The following CACNA1B variants were observed in gnomAD, a reference collection of about 807,000 sequenced individuals.
CACNA1B encodes the protein calcium voltage-gated channel subunit alpha1 B, also known as voltage-dependent N-type calcium channel subunit alpha-1B.
In CACNA1B, 70 loss-of-function variants were observed where a neutral mutation model predicts 247.2. The observed-to-expected ratio is 0.28, with a 90% CI of 0.23 to 0.35. CACNA1B has a LOEUF of 0.35. CACNA1B is among the 10% of genes least tolerant of loss of function. The pLI is 1.00. For missense variants in CACNA1B, 2,367 were observed against 3,197.4 expected (o/e 0.74, Z 6.26); for synonymous variants, 1,231 against 1,294.4 (o/e 0.95, Z 1.05).
intron 3 of CACNA1B, among the ~76,000 whole-genome samples, chr9:137,894,798 G>A (rs537007512): frequency 2.0e-5 from 3 of 152,168 alleles, no homozygotes; most frequent in Non-Finnish European, 2.9e-5. Flanking sequence ...TTGATATGTG[G>A]TTTTTCAGAT....
In CACNA1B at chr9:138,102,786, C is replaced by T; in HGVS notation, c.5298C>T (p.Cys1766=). ...CGCCTCTGGGGCTGGGGAAGAAATG[C>T]CCTGCTCGAGTTGCTTACAAGGTAG... ...MSPPLGLGKK[C]PARVAYKRLV... is the part of the protein sequence containing the mutation. The change falls in exon 38 of 47, where the codon TGC becomes TGT. Residue 1766 remains cysteine (C), a synonymous_variant. Transcript: ENST00000371372. This position sits in a 1 kb window ranked among gnomAD's most constrained non-coding sequence, Gnocchi z 5.4. 2 of 1,611,744 alleles carry T rather than the reference C, an allele frequency of 1.2e-6. No individual in the cohort carries two copies. The highest frequency in any genetic ancestry group is 1.7e-6 in the Non-Finnish European group (2 of 1,178,202).
chr9:138,120,688 G>C lies in CACNA1B; in HGVS notation c.6296G>C (p.Arg2099Pro), dbSNP rs767990672. 2.0e-6 allele frequency: 3 copies of C among 1,516,212 alleles called. No homozygotes were observed. The highest frequency in any genetic ancestry group is 2.6e-6 in the Non-Finnish European group (3 of 1,137,344). The allele number at this position is 1,516,212 out of a possible 1,614,324, so 93.9% of individuals were successfully genotyped here. A position where few individuals can be genotyped will look rare whatever the true frequency, so the allele number is the denominator to read the frequency against. Reference protein sequence around the residue: ...LPPGEGPTGCRRERERRQERG... With the variant: ...LPPGEGPTGCPRERERRQERG... ...CCGGGAGAGGGGCCTACAGGCTGCC[G>C]GCGGGAACGAGAGCGCCGGCAGGAG... is the stretch of plus-strand genomic sequence containing the variant. The change falls in exon 46 of 47, where the codon CGG (arginine) becomes CCG (proline). Residue 2099 changes from arginine (R) to proline (P), a missense_variant. Physicochemically the swap from Arg to Pro is moderately radical, Grantham distance 103. Transcript: ENST00000371372.
intron 15 of CACNA1B, among the ~76,000 whole-genome samples, chr9:137,996,733 C>T (rs926944893): frequency 6.6e-6 from 1 of 152,126 alleles, no homozygotes; most frequent in Non-Finnish European, 1.5e-5. Flanking sequence ...TATGTGAATT[C>T]TGCTATTTAA....
intron 3 of CACNA1B, among the ~76,000 whole-genome samples, chr9:137,912,073 AT>A (rs1236398146): frequency 2.0e-5 from 3 of 152,276 alleles, no homozygotes; most frequent in African/African-American, 4.8e-5. Context: ...AGTGAAAAAA[AT>A]AATTCTTTAG....
In CACNA1B at chr9:137,986,769, C is replaced by A; in HGVS notation, c.1902-13C>A. On this transcript the variant is annotated splice_polypyrimidine_tract_variant and intron_variant, in intron 14 of 46. Transcript: ENST00000371372. The surrounding 1 kb of genome is among the most constrained non-coding windows in gnomAD (Gnocchi z 6.0). ...CGGGACTGCCACTTCCCAAGCCTTCCTGTTTTCCTCAGGTTCAACTTCCAG... is the reference window on the plus strand; with the variant it reads ...CGGGACTGCCACTTCCCAAGCCTTCATGTTTTCCTCAGGTTCAACTTCCAG... The A allele has an allele frequency of 2.5e-6, 4 of 1,610,658 alleles. No homozygotes were observed. The highest frequency in any genetic ancestry group is 3.4e-6 in the Non-Finnish European group (4 of 1,176,872).
chr9:138,023,379 C>A lies in CACNA1B; in HGVS notation c.2636C>A (p.Pro879His), dbSNP rs1036442743. Residue 879 changes from proline (P) to histidine (H), a missense_variant, in exon 19 of 47, where the codon CCC becomes CAC. Around this residue, in one of 12 missense-constraint regions of CACNA1B, gnomAD observed 631 missense variants for 631.1 expected, o/e 1.00. Coordinates refer to ENST00000371372, the MANE Select transcript of CACNA1B (RefSeq NM_000718.4). The part of the protein sequence containing the change: ...AEAPKAESGE[P>H]GAREERPRPH... ...GCCCCGAAGGCGGAGAGCGGGGAGCCCGGTGCCCGGGAGGAGCGGCCGCGG... is the reference window on the plus strand; with the variant it reads ...GCCCCGAAGGCGGAGAGCGGGGAGCACGGTGCCCGGGAGGAGCGGCCGCGG... The A allele has an allele frequency of 2.9e-6, 4 of 1,384,074 alleles. No homozygotes were observed. The highest frequency in any genetic ancestry group is 7.2e-5 in the Admixed American group (2 of 27,962). The allele number at this position is 1,384,074 out of a possible 1,614,324, so 85.7% of individuals were successfully genotyped here. A position where few individuals can be genotyped will look rare whatever the true frequency, so the allele number is the denominator to read the frequency against.
At position 137,899,312 on chromosome 9, in the gene CACNA1B, C is replaced by G. The variant is rs764559119; in HGVS notation, c.531-13868C>G. Among the ~76,000 whole-genome samples the G allele has an allele frequency of 6.6e-6, 1 of 152,034 alleles. No homozygotes were observed. The highest frequency in any genetic ancestry group is 1.9e-4 in the East Asian group (1 of 5,156). On this transcript the variant is annotated intron_variant, in intron 3 of 46. Transcript: ENST00000371372. This position sits in a 1 kb window ranked among gnomAD's most constrained non-coding sequence, Gnocchi z 5.0. ...TTCACCATGTTGGCCAGGCTGGTCT[C>G]GAACTCCTGATCTCAGATGATCCAC...
chr9:138,104,204 G>C lies in CACNA1B; in HGVS notation c.5319+1397G>C, dbSNP rs144954981. Reference sequence around the variant, plus strand: ...TGCACCTTGGAGGGCCCAGGGCAGAGACACCTGTTTGTTTGCCCTGGCCTT... The same window carrying C: ...TGCACCTTGGAGGGCCCAGGGCAGACACACCTGTTTGTTTGCCCTGGCCTT... On this transcript the variant is annotated intron_variant, in intron 38 of 46. Transcript: ENST00000371372. Among the ~76,000 whole-genome samples, 17 of 152,360 alleles carry C rather than the reference G, an allele frequency of 1.1e-4. No homozygotes were observed. The East Asian group carries it at 2.9e-3, about 26-fold the overall frequency.
At chr9:138,119,609 T>C (rs748927136) in intron 44 of CACNA1B, among the ~76,000 whole-genome samples, 2 of 152,152 alleles carry the variant, frequency 1.3e-5, no homozygotes, top group Non-Finnish European at 2.9e-5. Context: ...CTTAGGGTTT[T>C]CTCCTCTTCC....
At chr9:137,927,156 AC>A (rs1223508304) in intron 6 of CACNA1B, among the ~76,000 whole-genome samples, 1 of 151,346 alleles carries the variant, frequency 6.6e-6, no homozygotes, top group African/African-American at 2.4e-5. Context: ...TAAGAGTTTT[AC>A]TTTTTTTAGG....
At position 137,913,328 on chromosome 9, in the gene CACNA1B, C is replaced by T. The variant is rs1312447137; in HGVS notation, c.622+57C>T. On this transcript the variant is annotated intron_variant, in intron 4 of 46. Transcript: ENST00000371372. This position sits in a 1 kb window ranked among gnomAD's most constrained non-coding sequence, Gnocchi z 5.2. ...TTGGAGTAACAACCTCCTCTCCTAC[C>T]CTCACCACGGACATGGCCATGGCCA... 2.3e-6 allele frequency: 3 copies of T among 1,323,214 alleles called. No individual in the cohort carries two copies. Among genetic ancestry groups the T allele is most frequent in the Admixed American group, 1.7e-5 (1 of 57,416 alleles). The allele number at this position is 1,323,214 out of a possible 1,614,324, so 82.0% of individuals were successfully genotyped here.
Position 138,053,925 on chromosome 9 carries a change from T to C in CACNA1B, c.3887T>C (p.Phe1296Ser). ...GTCTACATGCTCTTCATGTTCATAT[T>C]TGCCGTCATTGCGGTGCAGCTCTTC... is the stretch of plus-strand genomic sequence containing the variant. Reference protein sequence around the residue: ...LIVYMLFMFIFAVIAVQLFKG... With the variant: ...LIVYMLFMFISAVIAVQLFKG... The change falls in exon 26 of 47, where the codon TTT becomes TCT. Residue 1296 changes from phenylalanine to serine, a missense_variant. By Grantham distance (155) the Phe-to-Ser change is radical (BLOSUM62 -2). This residue lies in a region of CACNA1B where 436 missense variants were observed against 679.5 expected (regional missense o/e 0.64). Transcript: ENST00000371372. The C allele has an allele frequency of 3.1e-6, 5 of 1,613,604 alleles. No homozygotes were observed. Among genetic ancestry groups the C allele is most frequent in the Non-Finnish European group, 4.2e-6 (5 of 1,179,462 alleles).
chr9:138,115,361 GTT>G (rs1412234227), intron 41 of CACNA1B, among the ~76,000 whole-genome samples, 189 bp from the exon 42 acceptor site: 1 of 152,186 alleles, frequency 6.6e-6, no homozygotes, highest in Admixed American at 6.5e-5. Flanking sequence ...TTGCTTCACT[GTT>G]TTGGTCACAT....
intron 15 of CACNA1B, among the ~76,000 whole-genome samples, chr9:137,991,258 G>A (rs1958429106): frequency 6.6e-6 from 1 of 152,288 alleles, no homozygotes. Context: ...CTGGAAATCA[G>A]GGACACACTT....
chr9:138,083,839 T>G (rs2131326532), intron 36 of CACNA1B, among the ~76,000 whole-genome samples: 1 of 150,442 alleles, frequency 6.6e-6, no homozygotes, highest in African/African-American at 2.5e-5. Flanking sequence ...TCTAGGGTAC[T>G]TGCTGCTGCT....
At chr9:138,045,402 A>C (rs1959173495) in intron 21 of CACNA1B, among the ~76,000 whole-genome samples, 1 of 152,112 alleles carries the variant, frequency 6.6e-6, no homozygotes, top group Non-Finnish European at 1.5e-5. Flanking sequence ...TGGTGGTTTG[A>C]CCAGGGTACT....
At chr9:137,884,698 G>A (rs1378653293) in intron 3 of CACNA1B, among the ~76,000 whole-genome samples, 1 of 151,924 alleles carries the variant, frequency 6.6e-6, no homozygotes, top group Non-Finnish European at 1.5e-5. Flanking sequence ...GCGGGCCAGC[G>A]GGCAGCTGGG....
At chr9:138,063,811 G>A (rs1304515855) in intron 31 of CACNA1B, among the ~76,000 whole-genome samples, 3 of 152,208 alleles carry the variant, frequency 2.0e-5, no homozygotes, top group Admixed American at 2.0e-4. Flanking sequence ...TGGGAATGAG[G>A]TGTAGACCAA....
intron 3 of CACNA1B, among the ~76,000 whole-genome samples, chr9:137,895,906 C>T (rs1436112973): frequency 6.6e-6 from 1 of 152,080 alleles, no homozygotes; most frequent in African/African-American, 2.4e-5. Context: ...TACTTTGTTC[C>T]AAATTTCAGG....
Sources: gnomAD v4.1 joint callset for allele counts (sites outside exome capture counted in the v4.1 genomes callset) on GRCh38, gnomAD v4.1.1 for gene constraint, gnomAD v4.1.1 regional missense constraint, Gnocchi (gnomAD v3.1) non-coding constraint, MANE v1.5 for transcripts, NCBI Gene and HGNC (gene_info 2026-07-23, HGNC 2026-07-21) for gene names.